EXOC2: variants seen among roughly 807,000 people sequenced by gnomAD.
The protein encoded by EXOC2 is SEC5-like 1.
In EXOC2, 70 loss-of-function variants were observed where a neutral mutation model predicts 131.8. The ratio of observed to expected loss-of-function variants is 0.53; its 90% CI spans 0.44 to 0.65. The LOEUF is 0.65. Ranked by LOEUF, EXOC2 falls within the 30% of genes least tolerant of loss-of-function variation. EXOC2 has a pLI of 0.00. For synonymous variants in EXOC2, 411 were observed against 398.4 expected, an observed-to-expected ratio of 1.03 and a Z score of -0.38; for missense variants, 923 against 1,108.6, an observed-to-expected ratio of 0.83 and a Z score of 2.38.
At chr6:545,981 C>CT (rs1322141583) in intron 22 of EXOC2, among the ~76,000 whole-genome samples, 1 of 151,994 alleles carries the variant, frequency 6.6e-6, no homozygotes, top group African/African-American at 2.4e-5. Flanking sequence ...AAAAATGTTT[C>CT]TTTTTTTCTC....
intron 23 of EXOC2, among the ~76,000 whole-genome samples, chr6:521,947 G>C (rs907938735): frequency 5.3e-5 from 8 of 152,104 alleles, no homozygotes; most frequent in African/African-American, 1.9e-4. Flanking sequence ...TTGACTTTCT[G>C]TTGAAAATAA....
chr6:612,827 C>T (rs963288341), intron 6 of EXOC2, among the ~76,000 whole-genome samples: 2 of 152,152 alleles, frequency 1.3e-5, no homozygotes, highest in African/African-American at 2.4e-5. Context: ...CCCCAGTGTA[C>T]CATAACGAAT....
chr6:606,706 G>A (rs576163630), intron 7 of EXOC2, among the ~76,000 whole-genome samples: 1 of 152,272 alleles, frequency 6.6e-6, no homozygotes, highest in Non-Finnish European at 1.5e-5. Context: ...GACATCTCAT[G>A]CTTTTCTTCA....
At chr6:607,086 G>A (rs918754658) in intron 7 of EXOC2, among the ~76,000 whole-genome samples, 2 of 152,188 alleles carry the variant, frequency 1.3e-5, no homozygotes, top group African/African-American at 4.8e-5. Flanking sequence ...ACACAGCGAC[G>A]TGTGAATTAA....
At chr6:632,792 A>C in intron 3 of EXOC2, 149 bp downstream of exon 3, 1 of 792,856 alleles carries the variant, frequency 1.3e-6, no homozygotes, top group Non-Finnish European at 1.9e-6. Flanking sequence ...ATATTAACCA[A>C]CATCCCAATC....
intron 27 of EXOC2, 144 bp downstream of exon 27, chr6:488,835 A>AAGT: frequency 1.3e-6 from 1 of 741,490 alleles, no homozygotes; most frequent in Non-Finnish European, 2.2e-6. Flanking sequence ...TAACGCTATT[A>AAGT]AGTAGGTATA....
chr6:550,152 T>C (rs1481216056), intron 21 of EXOC2, among the ~76,000 whole-genome samples: 3 of 152,214 alleles, frequency 2.0e-5, no homozygotes, highest in African/African-American at 7.2e-5. Context: ...CTTTGACTAA[T>C]CTAGAGCCTT....
chr6:549,335 A>G, intron 21 of EXOC2, 44 bp from the exon 22 acceptor site: 1 of 1,376,020 alleles, frequency 7.3e-7, no homozygotes, highest in Non-Finnish European at 1.0e-6. Context: ...TTATGGTGCC[A>G]GAGAGAATAG....
chr6:630,856 T>A (rs572696808), intron 3 of EXOC2, among the ~76,000 whole-genome samples: 4 of 152,332 alleles, frequency 2.6e-5, no homozygotes, highest in African/African-American at 4.8e-5. Context: ...AAGGAACGCA[T>A]GGCTTGTATA....
At chr6:624,220 A>T (rs1055461901) in intron 4 of EXOC2, among the ~76,000 whole-genome samples, 1 of 152,226 alleles carries the variant, frequency 6.6e-6, no homozygotes, top group Non-Finnish European at 1.5e-5. Context: ...CACAGCTGCA[A>T]AAGTACAGGT....
intron 17 of EXOC2, among the ~76,000 whole-genome samples, chr6:560,769 G>A (rs994982747): frequency 1.3e-5 from 2 of 151,414 alleles, no homozygotes; most frequent in African/African-American, 2.4e-5. Context: ...GTGCAATGGC[G>A]CGGTCTCGGC....
chr6:661,046 G>C (rs1763404572), intron 1 of EXOC2, among the ~76,000 whole-genome samples: 1 of 152,138 alleles, frequency 6.6e-6, no homozygotes, highest in African/African-American at 2.4e-5. Context: ...ACAAGTAGAA[G>C]GAAGAAATTC....
At chr6:580,622 G>C (rs1758837182) in intron 11 of EXOC2, among the ~76,000 whole-genome samples, 1 of 152,030 alleles carries the variant, frequency 6.6e-6, no homozygotes, top group Non-Finnish European at 1.5e-5. Context: ...GTTTGAAATT[G>C]AGGCAGGGAC....
chr6:486,358 C>T lies in EXOC2; in HGVS notation c.*313G>A. 1 of 246,692 alleles carries T rather than the reference C, an allele frequency of 4.1e-6. No individual in the cohort carries two copies. The highest frequency in any genetic ancestry group is 7.8e-6 in the Non-Finnish European group (1 of 128,726). The allele number at this position is 246,692 out of a possible 1,614,324, so 15.3% of individuals were successfully genotyped here. Reference sequence around the variant, plus strand: ...TGCTTCAATATGTGCCACGCCATTCCAGAAAACTCCCTGCAGAAGCAGCTC... The same window carrying T: ...TGCTTCAATATGTGCCACGCCATTCTAGAAAACTCCCTGCAGAAGCAGCTC... On this transcript the variant is annotated 3_prime_UTR_variant, in exon 28 of 28. Transcript: ENST00000230449.
Position 639,107 on chromosome 6 carries a change from T to C in EXOC2, c.-43-1246A>G, listed in dbSNP as rs1207279673. On this transcript the variant is annotated intron_variant, in intron 1 of 27. Transcript: ENST00000230449. ...TGGCCCCTGCCTCCATCCTTCACAG[T>C]CTGGAGAAGAGAAGTTTAGTCTTTT... 2.6e-5 allele frequency among the ~76,000 whole-genome samples: 4 copies of C among 152,024 alleles called. No individual in the cohort carries two copies. In the South Asian group the frequency reaches 6.2e-4, roughly 24 times the overall value.
At chr6:546,094 G>A (rs572337314) in intron 22 of EXOC2, among the ~76,000 whole-genome samples, 2 of 151,922 alleles carry the variant, frequency 1.3e-5, no homozygotes, top group Non-Finnish European at 2.9e-5. Context: ...CCTTTGGTTG[G>A]TGCATTATAG....
intron 1 of EXOC2, among the ~76,000 whole-genome samples, chr6:690,230 C>T (rs75674497): frequency 0.045 from 6,871 of 152,202 alleles, 262 homozygotes; most frequent in African/African-American, 0.1. Context: ...GTGGCACGCA[C>T]CTATAGTCCC....
intron 6 of EXOC2, among the ~76,000 whole-genome samples, chr6:613,204 C>T (rs1760803697): frequency 6.6e-6 from 1 of 152,134 alleles, no homozygotes; most frequent in Admixed American, 6.5e-5. Flanking sequence ...AAAAACTGTA[C>T]TAAACATACC....
intron 23 of EXOC2, among the ~76,000 whole-genome samples, chr6:529,938 A>G (rs145498177): frequency 8.5e-5 from 13 of 152,372 alleles, no homozygotes; most frequent in African/African-American, 3.1e-4. Flanking sequence ...GCATGGTGCA[A>G]GGTAATACAT....
Sources: gnomAD v4.1 joint callset for allele counts (sites outside exome capture counted in the v4.1 genomes callset) on GRCh38, gnomAD v4.1.1 for gene constraint, MANE v1.5 for transcripts, NCBI Gene and HGNC (gene_info 2026-07-23, HGNC 2026-07-21) for gene names.